Variants in DNM3 observed in about 807,000 individuals in gnomAD.
DNM3 encodes dynamin-3.
Under a neutral mutation model 101.6 loss-of-function variants are expected in DNM3, and 47 were observed. The ratio of observed to expected loss-of-function variants is 0.46; its 90% CI spans 0.37 to 0.59. DNM3 has a LOEUF of 0.59. Among genes scored for constraint, DNM3 ranks in the 20% least tolerant of loss-of-function variants. The probability of loss-of-function intolerance (pLI) is 0.00; values close to 1 mark genes in which losing one functional copy is unlikely to be tolerated. For missense variants in DNM3, 849 were observed against 1,085.7 expected (o/e 0.78, Z 3.06); for synonymous variants, 385 against 387.9 (o/e 0.99, Z 0.09).
intron 14 of DNM3, among the ~76,000 whole-genome samples, chr1:172,184,391 GAC>G (rs991293544): frequency 3.9e-5 from 6 of 152,230 alleles, no homozygotes; most frequent in African/African-American, 1.2e-4. Context: ...CATCTGCAGA[GAC>G]ACAGCAGTTT....
In DNM3 at chr1:172,408,819, A is replaced by C; in HGVS notation, c.*978A>C. The stretch of plus-strand genomic sequence containing the variant: ...TAAGAATTTATCCTACCCTTGAAAC[A>C]GGCTCAGTGTAACTGTATATCCATT... On this transcript the variant is annotated 3_prime_UTR_variant, in exon 21 of 21. Transcript: ENST00000627582. The C allele has an allele frequency of 3.0e-6, 3 of 985,282 alleles. No individual in the cohort carries two copies. Among genetic ancestry groups the C allele is most frequent in the Non-Finnish European group, 2.4e-6 (2 of 829,834 alleles). 61.0% of individuals were successfully genotyped at this position (985,282 alleles called of 1,614,324 possible).
At chr1:171,899,086 G>A (rs1033615476) in intron 1 of DNM3, among the ~76,000 whole-genome samples, 71 of 152,216 alleles carry the variant, frequency 4.7e-4, no homozygotes, top group African/African-American at 1.7e-3. Flanking sequence ...GCAGGCTGAG[G>A]CCTGTTTGTT....
intron 1 of DNM3, among the ~76,000 whole-genome samples, chr1:171,883,026 G>A (rs1199756111): frequency 6.6e-6 from 1 of 151,068 alleles, no homozygotes; most frequent in African/African-American, 2.4e-5. Flanking sequence ...ATATTAATAT[G>A]TATAAAAATA....
chr1:171,977,227 C>T (rs16843652), intron 2 of DNM3, among the ~76,000 whole-genome samples: 9,586 of 152,218 alleles, frequency 0.063, 947 homozygotes, highest in African/African-American at 0.22. Flanking sequence ...CAACTGATAT[C>T]ACAAAGTCTT....
chr1:172,053,076 A>G lies in DNM3; in HGVS notation c.1335+4326A>G, dbSNP rs117414754. On this transcript the variant is annotated intron_variant, in intron 10 of 20. Transcript: ENST00000627582. The stretch of plus-strand genomic sequence containing the variant: ...TAAAATACAGCTATGCCTTTTGCCT[A>G]TATCCTCAAAATTATTCAACGACTC... 9.0e-3 allele frequency among the ~76,000 whole-genome samples: 1,371 copies of G among 152,240 alleles called. 16 individuals are homozygous for G. Among genetic ancestry groups the G allele is most frequent in the East Asian group, 0.025 (130 of 5,170 alleles).
chr1:172,062,535 A>G (rs2051323512), intron 10 of DNM3, among the ~76,000 whole-genome samples: 1 of 152,010 alleles, frequency 6.6e-6, no homozygotes. Context: ...TTCTCCTGCT[A>G]TTTGTTGAAA....
intron 1 of DNM3, among the ~76,000 whole-genome samples, chr1:171,847,505 T>C (rs998928045): frequency 2.0e-5 from 3 of 149,954 alleles, no homozygotes; most frequent in Non-Finnish European, 4.4e-5. Flanking sequence ...AGATACTGTA[T>C]ATTGGAGAGG....
intron 14 of DNM3, among the ~76,000 whole-genome samples, chr1:172,194,727 C>T (rs2059883988): frequency 6.6e-6 from 1 of 152,042 alleles, no homozygotes; most frequent in Non-Finnish European, 1.5e-5. Context: ...GATCTTCCTC[C>T]ATCCCTTTAT....
intron 14 of DNM3, among the ~76,000 whole-genome samples, chr1:172,225,193 C>T (rs1012515432): frequency 1.6e-5 from 2 of 122,182 alleles, no homozygotes; most frequent in Non-Finnish European, 3.1e-5. Context: ...GGCTGGAGTG[C>T]AGTGGCACTA....
Position 172,089,548 on chromosome 1 carries a change from T to G in DNM3, c.1494-3276T>G, listed in dbSNP as rs1282354788. Among the ~76,000 whole-genome samples the G allele has an allele frequency of 2.0e-5, 3 of 152,220 alleles. No individual in the cohort carries two copies. The East Asian group carries it at 5.8e-4, about 29-fold the overall frequency. ...AATGTATTCTAAGCAGGCAGCTTTTTTTGTTGTTGTTGCTTTTGAAGTAAC... is the reference window on the plus strand; with the variant it reads ...AATGTATTCTAAGCAGGCAGCTTTTGTTGTTGTTGTTGCTTTTGAAGTAAC... On this transcript the variant is annotated intron_variant, in intron 12 of 20. Coordinates refer to ENST00000627582, the MANE Select transcript of DNM3 (RefSeq NM_015569.5).
At chr1:171,987,608 CA>C (rs2045351161) in intron 2 of DNM3, 47 bp from the exon 3 acceptor site, 9 of 1,497,900 alleles carry the variant, frequency 6.0e-6, no homozygotes, top group Non-Finnish European at 8.0e-6. Context: ...ATAATTATGG[CA>C]AAAATGCATG....
At chr1:172,393,438 CT>C (rs2069701521) in intron 20 of DNM3, 1 of 152,588 alleles carries the variant, frequency 6.6e-6, no homozygotes, top group Admixed American at 6.5e-5. Flanking sequence ...CTTTGAATCC[CT>C]TACGTCAAGG....
At chr1:171,919,362 T>C (rs944199581) in intron 1 of DNM3, among the ~76,000 whole-genome samples, 2 of 152,194 alleles carry the variant, frequency 1.3e-5, no homozygotes, top group Admixed American at 1.3e-4. Flanking sequence ...TGTGTTCATG[T>C]GTTCTCATTG....
chr1:172,384,464 T>C (rs1167685730), intron 18 of DNM3, among the ~76,000 whole-genome samples: 2 of 152,190 alleles, frequency 1.3e-5, no homozygotes, highest in Non-Finnish European at 2.9e-5. Flanking sequence ...AGCTCTACCC[T>C]CATTTCACAG....
downstream of DNM3, among the ~76,000 whole-genome samples, chr1:172,416,299 T>G (rs2071423081): frequency 6.6e-6 from 1 of 152,176 alleles, no homozygotes; most frequent in Admixed American, 6.5e-5. Context: ...ATTTCGGCAC[T>G]GTGTAAGTCA....
At chr1:172,208,453 A>G (rs538975837) in intron 14 of DNM3, among the ~76,000 whole-genome samples, 1 of 152,088 alleles carries the variant, frequency 6.6e-6, no homozygotes, top group African/African-American at 2.4e-5. Flanking sequence ...TTTACCCTCC[A>G]TAATGTAGGT....
chr1:172,106,524 A>G (rs1427338265), intron 13 of DNM3, among the ~76,000 whole-genome samples: 1 of 152,176 alleles, frequency 6.6e-6, no homozygotes, highest in Non-Finnish European at 1.5e-5. Flanking sequence ...AATAATCTAT[A>G]TAACAAACCC....
chr1:171,994,873 G>A (rs2045888928), intron 4 of DNM3, among the ~76,000 whole-genome samples: 1 of 151,804 alleles, frequency 6.6e-6, no homozygotes, highest in African/African-American at 2.4e-5. Context: ...TGTGAATGGG[G>A]GTTTTTAGGG....
At chr1:172,057,087 G>T (rs545217853) in intron 10 of DNM3, among the ~76,000 whole-genome samples, 1 of 152,010 alleles carries the variant, frequency 6.6e-6, no homozygotes, top group African/African-American at 2.4e-5. Context: ...TGGAAGAAAG[G>T]GTATCAGCAA....
Sources: allele counts gnomAD v4.1 joint callset (sites outside exome capture counted in the v4.1 genomes callset), GRCh38; gene constraint gnomAD v4.1.1; transcripts MANE v1.5; gene names NCBI Gene and HGNC (gene_info 2026-07-23, HGNC 2026-07-21).